GALNTL6: variants seen among roughly 807,000 people sequenced by gnomAD.
GALNTL6 encodes the protein polypeptide N-acetylgalactosaminyltransferase like 6, also known as polypeptide N-acetylgalactosaminyltransferase-like 6.
A neutral mutation model predicts 73.7 loss-of-function variants in GALNTL6; 46 were observed. The observed-to-expected ratio is 0.62, with a 90% CI of 0.49 to 0.80. The LOEUF is 0.80. Ranked by LOEUF, GALNTL6 falls within the 30% of genes least tolerant of loss-of-function variation. GALNTL6 has a pLI of 0.00. For synonymous variants in GALNTL6, 259 were observed against 263.7 expected (o/e 0.98, Z 0.17); for missense variants, 604 against 755.0 (o/e 0.80, Z 2.34).
intron 2 of GALNTL6, among the ~76,000 whole-genome samples, chr4:172,205,919 C>T (rs1736095624): frequency 6.6e-6 from 1 of 152,176 alleles, no homozygotes; most frequent in Non-Finnish European, 1.5e-5. Context: ...TCAAGTCTCC[C>T]ATCAATGGAT....
intron 7 of GALNTL6, among the ~76,000 whole-genome samples, chr4:172,863,249 G>A (rs1038505400): frequency 3.3e-5 from 5 of 152,194 alleles, no homozygotes; most frequent in African/African-American, 1.2e-4. Flanking sequence ...GCACTACCTA[G>A]TGGAGCTGTG....
chr4:172,906,638 C>G (rs1746909406), intron 8 of GALNTL6, among the ~76,000 whole-genome samples: 1 of 152,212 alleles, frequency 6.6e-6, no homozygotes, highest in African/African-American at 2.4e-5. Context: ...TTGGCAGAAT[C>G]CATTTCTTCA....
intron 5 of GALNTL6, among the ~76,000 whole-genome samples, chr4:172,653,241 C>CA (rs1447615297): frequency 7.2e-6 from 1 of 139,028 alleles, no homozygotes; most frequent in Non-Finnish European, 1.5e-5. Context: ...TTTTTTGAGA[C>CA]AAAATTTCAC....
chr4:172,336,703 G>A (rs1741340089), intron 4 of GALNTL6, among the ~76,000 whole-genome samples: 2 of 152,160 alleles, frequency 1.3e-5, no homozygotes, highest in Admixed American at 1.3e-4. Context: ...ATGCAGACGA[G>A]AAAAATGTGT....
chr4:172,387,042 T>G (rs1345464241), intron 5 of GALNTL6, among the ~76,000 whole-genome samples: 1 of 152,150 alleles, frequency 6.6e-6, no homozygotes, highest in East Asian at 1.9e-4. Context: ...TATACTTCAA[T>G]CCAGTCAAGG....
At chr4:172,484,586 G>C (rs1403631669) in intron 5 of GALNTL6, among the ~76,000 whole-genome samples, 1 of 152,090 alleles carries the variant, frequency 6.6e-6, no homozygotes, top group African/African-American at 2.4e-5. Flanking sequence ...CTGATGAGAA[G>C]GTGACTCAGC....
At chr4:172,502,098 C>T (rs1441614403) in intron 5 of GALNTL6, among the ~76,000 whole-genome samples, 8 of 152,136 alleles carry the variant, frequency 5.3e-5, no homozygotes, top group Non-Finnish European at 1.2e-4. Flanking sequence ...GTCAACAAAT[C>T]GCATACATAC....
At chr4:173,014,054 A>T (rs1201687228) in intron 11 of GALNTL6, among the ~76,000 whole-genome samples, 2 of 152,126 alleles carry the variant, frequency 1.3e-5, no homozygotes, top group African/African-American at 2.4e-5. Flanking sequence ...TCCAAAAAAA[A>T]AAGTGGCAAA....
chr4:172,989,864 C>G (rs1579750299), intron 10 of GALNTL6, among the ~76,000 whole-genome samples: 2 of 152,144 alleles, frequency 1.3e-5, no homozygotes, highest in African/African-American at 4.8e-5. Flanking sequence ...TCCATATAGA[C>G]TTTTTAAAAA....
chr4:172,390,600 C>T (rs1160837189), intron 5 of GALNTL6, among the ~76,000 whole-genome samples: 1 of 152,090 alleles, frequency 6.6e-6, no homozygotes, highest in Non-Finnish European at 1.5e-5. Context: ...TCTCAGTTAT[C>T]AGATAGAAAA....
chr4:171,885,056 C>A (rs1396471476), intron 2 of GALNTL6, among the ~76,000 whole-genome samples: 38 of 139,854 alleles, frequency 2.7e-4, no homozygotes, highest in African/African-American at 3.8e-4. Context: ...GACTCTACCT[C>A]AAAAAAAAAG....
chr4:172,778,349 C>A (rs1209660666), intron 5 of GALNTL6, among the ~76,000 whole-genome samples: 2 of 152,160 alleles, frequency 1.3e-5, no homozygotes, highest in African/African-American at 4.8e-5. Context: ...AATGGAAAGG[C>A]AGAATAATAA....
intron 3 of GALNTL6, among the ~76,000 whole-genome samples, chr4:172,311,359 G>A (rs2136034): frequency 0.99 from 151,055 of 152,348 alleles, 74,899 homozygotes; most frequent in Middle Eastern, 1. Flanking sequence ...ATTAATAAAC[G>A]TACACTAAAA....
rs5864132 is a variant in GALNTL6, at chr4:172,360,475, T to TA, written c.553+11790dup. On this transcript the variant is annotated intron_variant, in intron 5 of 12. Transcript: ENST00000506823. Reference sequence around the variant, plus strand: ...AATTCTGTATTTACATAAAAAATGTTAAAAGAGATGCTGTAAACTCTTCTA... The same window carrying TA: ...AATTCTGTATTTACATAAAAAATGTTAAAAAGAGATGCTGTAAACTCTTCTA... Among the ~76,000 whole-genome samples, 113 of 152,078 alleles carry TA rather than the reference T, an allele frequency of 7.4e-4. 2 individuals are homozygous for TA. The highest frequency in any genetic ancestry group is 5.6e-3 in the South Asian group (27 of 4,826).
At chr4:172,951,368 A>T (rs1193772622) in intron 9 of GALNTL6, among the ~76,000 whole-genome samples, 3 of 152,126 alleles carry the variant, frequency 2.0e-5, no homozygotes. Flanking sequence ...ACTCTCCTAC[A>T]CCTAAGATCC....
intron 10 of GALNTL6, among the ~76,000 whole-genome samples, chr4:172,973,983 A>C (rs577466433): frequency 6.6e-6 from 1 of 152,370 alleles, no homozygotes; most frequent in African/African-American, 2.4e-5. Context: ...AAATGTTCAT[A>C]ATAAATGTAT....
At chr4:172,719,610 G>A (rs1322761539) in intron 5 of GALNTL6, among the ~76,000 whole-genome samples, 1 of 152,086 alleles carries the variant, frequency 6.6e-6, no homozygotes, top group Non-Finnish European at 1.5e-5. Context: ...GGGTGGTGTG[G>A]CTTAATGAGA....
intron 2 of GALNTL6, among the ~76,000 whole-genome samples, chr4:172,162,365 C>T (rs952905929): frequency 2.6e-5 from 4 of 151,620 alleles, no homozygotes; most frequent in Non-Finnish European, 5.9e-5. Context: ...GAACTATGGA[C>T]CTTCATAGGA....
rs533888089 is a variant in GALNTL6, at chr4:172,302,593, A to G, written c.248-9021A>G. 7.9e-5 allele frequency among the ~76,000 whole-genome samples: 12 copies of G among 152,300 alleles called. No homozygotes were observed. The South Asian group carries it at 2.5e-3, about 32-fold the overall frequency. On this transcript the variant is annotated intron_variant, in intron 3 of 12. Coordinates refer to ENST00000506823, the MANE Select transcript of GALNTL6 (RefSeq NM_001034845.3). ...AAATCTGTGGCATTCCTTTCTCACA[A>G]TGCTCTTACCTGGCTTTGATATCAG...
Sources: allele counts gnomAD v4.1 joint callset (sites outside exome capture counted in the v4.1 genomes callset), GRCh38; gene constraint gnomAD v4.1.1; transcripts MANE v1.5; gene names NCBI Gene and HGNC (gene_info 2026-07-23, HGNC 2026-07-21).